Variants in CYP4F12 observed in about 807,000 individuals in gnomAD.
CYP4F12 encodes the protein cytochrome P450 4F12.
In CYP4F12, 60 loss-of-function variants were observed where a neutral mutation model predicts 56.5. The ratio of observed to expected loss-of-function variants is 1.06; its 90% CI spans 0.86 to 1.32. CYP4F12 has a LOEUF of 1.32. Among genes scored for constraint, CYP4F12 ranks in the 40% most tolerant of loss-of-function variants. The pLI is 0.00. For synonymous variants in CYP4F12, 263 were observed against 264.9 expected, an observed-to-expected ratio of 0.99 and a Z score of 0.07; for missense variants, 711 against 683.5, an observed-to-expected ratio of 1.04 and a Z score of -0.45.
At chr19:15,686,992 T>G (rs1375049059) in intron 9 of CYP4F12, among the ~76,000 whole-genome samples, 1 of 152,168 alleles carries the variant, frequency 6.6e-6, no homozygotes, top group African/African-American at 2.4e-5. Context: ...GTCTAAAACA[T>G]TTATAAAAAT....
chr19:15,678,289 A>G lies in CYP4F12; in HGVS notation c.227A>G (p.Asn76Ser), dbSNP rs745509764. Reference sequence around the variant, plus strand: ...ACTCCTACAGAGGAGGGCTTGAAGAACTCGACCCAGATGTCGGCCACCTAT... The same window carrying G: ...ACTCCTACAGAGGAGGGCTTGAAGAGCTCGACCCAGATGTCGGCCACCTAT... Reference protein sequence around the residue: ...LITPTEEGLKNSTQMSATYSQ... With the variant: ...LITPTEEGLKSSTQMSATYSQ... The change falls in exon 3 of 13, where the codon AAC (asparagine) becomes AGC (serine). Residue 76 changes from asparagine to serine, a missense_variant. Coordinates refer to ENST00000550308, the MANE Select transcript of CYP4F12 (RefSeq NM_023944.4). The G allele has an allele frequency of 6.2e-7, 1 of 1,614,086 alleles. No homozygotes were observed. The highest frequency in any genetic ancestry group is 8.5e-7 in the Non-Finnish European group (1 of 1,180,008).
chr19:15,691,745 G>A (rs1366491562), intron 9 of CYP4F12, among the ~76,000 whole-genome samples: 1 of 151,212 alleles, frequency 6.6e-6, no homozygotes, highest in Non-Finnish European at 1.5e-5. Context: ...GACTTTTTTG[G>A]GGGGTGCTTT....
chr19:15,678,950 T>C (rs910618795), intron 3 of CYP4F12, among the ~76,000 whole-genome samples: 2 of 152,190 alleles, frequency 1.3e-5, no homozygotes, highest in African/African-American at 2.4e-5. Context: ...CCACCTATGA[T>C]GGGTCAGTTC....
intron 9 of CYP4F12, among the ~76,000 whole-genome samples, chr19:15,690,379 TTTA>T (rs1268041347): frequency 1.3e-5 from 2 of 152,180 alleles, no homozygotes; most frequent in Admixed American, 6.5e-5. Context: ...TTTTGAGAAA[TTTA>T]TTATTATTAA....
intron 9 of CYP4F12, among the ~76,000 whole-genome samples, chr19:15,687,227 A>G (rs1440417690): frequency 6.6e-6 from 1 of 151,510 alleles, no homozygotes; most frequent in Non-Finnish European, 1.5e-5. Context: ...CAGTGAGCTG[A>G]GATGGCACCA....
chr19:15,691,555 G>C (rs1466350812), intron 9 of CYP4F12, among the ~76,000 whole-genome samples: 1 of 152,078 alleles, frequency 6.6e-6, no homozygotes, highest in Non-Finnish European at 1.5e-5. Flanking sequence ...TCTTAAATAA[G>C]AGTGAGAAAG....
In CYP4F12 at chr19:15,682,511, G is replaced by A. The variant is rs756133654; in HGVS notation, c.647+1G>A. On this transcript the variant is annotated splice_donor_variant, in intron 6 of 12. Coordinates refer to ENST00000550308, the MANE Select transcript of CYP4F12 (RefSeq NM_023944.4). LOFTEE classifies it high-confidence loss of function. Reference sequence around the variant, plus strand: ...TCAGCTTTGACAGCCATTGTCAGGAGTGAGTTCCTTCCTAGGGCCTGGGAT... The same window carrying A: ...TCAGCTTTGACAGCCATTGTCAGGAATGAGTTCCTTCCTAGGGCCTGGGAT... 2 of 1,613,248 alleles carry A rather than the reference G, an allele frequency of 1.2e-6. No individual in the cohort carries two copies. Among genetic ancestry groups the A allele is most frequent in the South Asian group, 2.2e-5 (2 of 91,076 alleles).
intron 11 of CYP4F12, 53 bp downstream of exon 11, chr19:15,696,278 G>C (rs1193511695): frequency 4.3e-6 from 7 of 1,612,596 alleles, no homozygotes; most frequent in African/African-American, 1.3e-5. Context: ...TTTTGTGTGT[G>C]TGTGTGTGAA....
At chr19:15,675,437 C>G (rs2006870545) in intron 2 of CYP4F12, among the ~76,000 whole-genome samples, 1 of 152,192 alleles carries the variant, frequency 6.6e-6, no homozygotes, top group Non-Finnish European at 1.5e-5. Flanking sequence ...GACGCAGGCC[C>G]TTTGTCTGTG....
rs1381471708 is a variant in CYP4F12, at chr19:15,696,192, C to T, written c.1281C>T (p.Val427=). 1 of 1,614,018 alleles carries T rather than the reference C, an allele frequency of 6.2e-7. No individual in the cohort carries two copies. The highest frequency in any genetic ancestry group is 1.3e-5 in the African/African-American group (1 of 74,906). The change falls in exon 11 of 13, where the codon GTC becomes GTT. Residue 427 remains valine, a synonymous_variant. Transcript: ENST00000550308. ...CCTGCCTCATCGATATTATAGGGGT[C>T]CATCACAACCCAACTGTGTGGCCGG... The part of the protein sequence containing the change: ...GITCLIDIIG[V]HHNPTVWPDP...
intron 1 of CYP4F12, 151 bp from the exon 2 acceptor site, chr19:15,673,378 C>T: frequency 2.4e-6 from 2 of 846,964 alleles, no homozygotes; most frequent in South Asian, 3.4e-5. Flanking sequence ...TTGGTTGGGA[C>T]TTTCTGGACT....
Position 15,695,971 on chromosome 19 carries a change from G to A in CYP4F12, c.1151G>A (p.Cys384Tyr), listed in dbSNP as rs369542751. ...DLAQLPFLTM[C>Y]VKESLRLHPP... The stretch of plus-strand genomic sequence containing the variant: ...GCCCAGCTGCCCTTCCTGACCATGT[G>A]CGTGAAGGAGAGCCTGAGGTTACAT... Residue 384 changes from cysteine to tyrosine, a missense_variant, in exon 10 of 13, where the codon TGC becomes TAC. Cys to Tyr is a radical substitution (Grantham distance 194). Transcript: ENST00000550308. 15 of 1,613,918 alleles carry A rather than the reference G, an allele frequency of 9.3e-6. No homozygotes were observed. In the South Asian group the frequency reaches 1.6e-4, roughly 18 times the overall value.
At chr19:15,692,901 C>T (rs747059310) in intron 9 of CYP4F12, among the ~76,000 whole-genome samples, 11 of 142,022 alleles carry the variant, frequency 7.7e-5, no homozygotes, top group Admixed American at 2.3e-4. Flanking sequence ...TGGGGAAACT[C>T]CATCTCTACT....
In CYP4F12 at chr19:15,684,861, G is replaced by T. The variant is rs2007519262; in HGVS notation, c.964G>T (p.Ala322Ser). Residue 322 changes from alanine to serine, a missense_variant, in exon 8 of 13, where the codon GCT (alanine) becomes TCT (serine). Ala to Ser is a moderately conservative substitution (Grantham distance 99). Transcript: ENST00000550308. ...ALSDEDIRAEADTFMFGGHDT... is the reference protein window; with the variant it reads ...ALSDEDIRAESDTFMFGGHDT... Reference sequence around the variant, plus strand: ...GTCAGATGAGGATATAAGAGCAGAGGCTGACACCTTCATGTTTGGAGGTGA... The same window carrying T: ...GTCAGATGAGGATATAAGAGCAGAGTCTGACACCTTCATGTTTGGAGGTGA... 2.5e-6 allele frequency: 4 copies of T among 1,606,494 alleles called. No homozygotes were observed. Among genetic ancestry groups the T allele is most frequent in the South Asian group, 1.1e-5 (1 of 89,954 alleles).
At chr19:15,673,437 C>T in intron 1 of CYP4F12, 92 bp from the exon 2 acceptor site, 1 of 1,421,844 alleles carries the variant, frequency 7.0e-7, no homozygotes, top group Non-Finnish European at 9.6e-7. Context: ...CCTGCCCTGC[C>T]CCCAGCAGTT....
At chr19:15,696,680 G>C (rs749333303) in intron 12 of CYP4F12, among the ~76,000 whole-genome samples, 168 bp downstream of exon 12, 1 of 152,184 alleles carries the variant, frequency 6.6e-6, no homozygotes, top group Non-Finnish European at 1.5e-5. Context: ...AGGGGTCCGC[G>C]GAGTGCTCAA....
chr19:15,679,876 C>T (rs2007187979), intron 3 of CYP4F12, among the ~76,000 whole-genome samples: 1 of 152,216 alleles, frequency 6.6e-6, no homozygotes, highest in Non-Finnish European at 1.5e-5. Flanking sequence ...TCATGTCAGA[C>T]TATCTCAGGT....
Position 15,684,802 on chromosome 19 carries a change from T to C in CYP4F12, c.919-14T>C, listed in dbSNP as rs752952746. ...TGTGTGTGTGTGTGTGTGTGTGTCTTGCTTTCTCTTCAGGATGAAGATGGG... is the reference window on the plus strand; with the variant it reads ...TGTGTGTGTGTGTGTGTGTGTGTCTCGCTTTCTCTTCAGGATGAAGATGGG... On this transcript the variant is annotated splice_polypyrimidine_tract_variant and intron_variant, in intron 7 of 12. Transcript: ENST00000550308. 3 of 1,254,584 alleles carry C rather than the reference T, an allele frequency of 2.4e-6. No individual in the cohort carries two copies. In the South Asian group the frequency reaches 3.9e-5, roughly 16 times the overall value. 77.7% of individuals were successfully genotyped at this position (1,254,584 alleles called of 1,614,324 possible).
rs2007365877 is a variant in CYP4F12, at chr19:15,682,563, G to A, written c.647+53G>A. The stretch of plus-strand genomic sequence containing the variant: ...TGAATCCATGGACCAAAGGGAGAAA[G>A]TTGGGGAGGGAGGAATGAGCAAAGT... On this transcript the variant is annotated intron_variant, in intron 6 of 12. Coordinates refer to ENST00000550308, the MANE Select transcript of CYP4F12 (RefSeq NM_023944.4). 4 of 1,606,252 alleles carry A rather than the reference G, an allele frequency of 2.5e-6. No individual in the cohort carries two copies. In the Admixed American group the frequency reaches 6.7e-5, roughly 27 times the overall value.
Sources: gnomAD v4.1 joint callset for allele counts (sites outside exome capture counted in the v4.1 genomes callset) on GRCh38, gnomAD v4.1.1 for gene constraint, MANE v1.5 for transcripts, NCBI Gene and HGNC (gene_info 2026-07-23, HGNC 2026-07-21) for gene names.